The following WDR12 variants were observed in gnomAD, a reference collection of about 807,000 sequenced individuals.
The protein encoded by WDR12 is WD repeat domain 12.
In WDR12, 42 loss-of-function variants were observed where a neutral mutation model predicts 64.3. The ratio of observed to expected loss-of-function variants is 0.65; its 90% confidence interval spans 0.51 to 0.84. The LOEUF is 0.84. WDR12 is among the 40% of genes least tolerant of loss of function. WDR12 has a pLI of 0.00. For missense variants in WDR12, 469 were observed against 494.6 expected, an observed-to-expected ratio of 0.95 and a Z score of 0.49; for synonymous variants, 158 against 173.3, an observed-to-expected ratio of 0.91 and a Z score of 0.70.
intron 7 of WDR12, 118 bp downstream of exon 7, chr2:202,894,463 C>T: frequency 6.3e-6 from 5 of 790,844 alleles, no homozygotes; most frequent in Non-Finnish European, 9.7e-6. Flanking sequence ...CTCAAGTGAT[C>T]CTTCTACCCT....
intron 8 of WDR12, among the ~76,000 whole-genome samples, chr2:202,887,573 A>G (rs1688069763): frequency 6.6e-6 from 1 of 152,208 alleles, no homozygotes; most frequent in Admixed American, 6.5e-5. Flanking sequence ...CATAGAGGTA[A>G]TCAGAAGGCT....
Position 202,907,895 on chromosome 2 carries a change from TG to T in WDR12, c.105del (p.Asn35LysfsTer7). On this transcript the variant is annotated frameshift_variant, in exon 2 of 13. Transcript: ENST00000261015. LOFTEE classifies it high-confidence loss of function. The part of the protein sequence containing the change: ...PAASEIADLS[N>X]IINKLLKDKN... ...TTGTCCTTTAGTAGTTTATTGATGA[TG>T]TTACTAAGGTCGGCAATTTCAGAGG... is the stretch of plus-strand genomic sequence containing the variant. 1 of 1,614,050 alleles carries T rather than the reference TG, an allele frequency of 6.2e-7. No homozygotes were observed. Among genetic ancestry groups the T allele is most frequent in the Non-Finnish European group, 8.5e-7 (1 of 1,179,968 alleles).
chr2:202,903,060 C>T (rs989481759), intron 2 of WDR12, among the ~76,000 whole-genome samples: 4 of 152,062 alleles, frequency 2.6e-5, no homozygotes, highest in African/African-American at 9.7e-5. Context: ...GCCTGGGCGA[C>T]AGAGCAAGAC....
rs1369793016 is a variant in WDR12, at chr2:202,877,014, CCTTT to C, written c.*3842_*3845del. The C allele has an allele frequency of 6.6e-6, 1 of 151,806 alleles. No homozygotes were observed. Among genetic ancestry groups the C allele is most frequent in the African/African-American group, 2.4e-5 (1 of 41,330 alleles). The allele number at this position is 151,806 out of a possible 1,614,324, so 9.4% of individuals were successfully genotyped here. On this transcript the variant is annotated 3_prime_UTR_variant, in exon 13 of 13. Coordinates refer to ENST00000261015, the MANE Select transcript of WDR12 (RefSeq NM_018256.4). The stretch of plus-strand genomic sequence containing the variant: ...ATTTGTTATATATAGTAAACTGTTA[CCTTT>C]TTTTCAAAACTACGATACATCAAAA...
At chr2:202,896,037 G>C (rs753092709) in intron 6 of WDR12, 28 bp downstream of exon 6, 21 of 1,597,094 alleles carry the variant, frequency 1.3e-5, no homozygotes, top group Non-Finnish European at 1.8e-5. Flanking sequence ...AAATTTAACA[G>C]AGTACTAATA....
intron 1 of WDR12, among the ~76,000 whole-genome samples, chr2:202,909,763 A>G (rs896093372): frequency 1.3e-5 from 2 of 150,960 alleles, no homozygotes; most frequent in African/African-American, 4.8e-5. Context: ...ATTAAGCAAA[A>G]AGAAAAAGCA....
Position 202,883,658 on chromosome 2 carries a change from G to A in WDR12, c.1072C>T (p.Leu358=). 1 of 1,614,072 alleles carries A rather than the reference G, an allele frequency of 6.2e-7. No homozygotes were observed. The highest frequency in any genetic ancestry group is 2.2e-5 in the East Asian group (1 of 44,882). ...ATGTTATCTAAAGATCCTGAAATCA[G>A]CTGCTGTTCATGGGTAGGAGACCAT... is the stretch of plus-strand genomic sequence containing the variant. ...VKWSPTHEQQ[L]ISGSLDNIVK... Residue 358 remains leucine, a synonymous_variant, in exon 11 of 13, where the codon CTG becomes TTG. Coordinates refer to ENST00000261015, the MANE Select transcript of WDR12 (RefSeq NM_018256.4).
Position 202,900,387 on chromosome 2 carries a change from T to C in WDR12, c.231+638A>G, listed in dbSNP as rs1413464185. Among the ~76,000 whole-genome samples, 3 of 151,154 alleles carry C rather than the reference T, an allele frequency of 2.0e-5. No homozygotes were observed. The East Asian group carries it at 5.8e-4, about 29-fold the overall frequency. Reference sequence around the variant, plus strand: ...CATTAAAATTAAGAAAAAAAGCACATTGTTTAATGGGTACAGGTCTTCTGT... The same window carrying C: ...CATTAAAATTAAGAAAAAAAGCACACTGTTTAATGGGTACAGGTCTTCTGT... On this transcript the variant is annotated intron_variant, in intron 3 of 12. Transcript: ENST00000261015.
At chr2:202,885,187 G>A (rs772797300) in intron 8 of WDR12, among the ~76,000 whole-genome samples, 1 of 152,208 alleles carries the variant, frequency 6.6e-6, no homozygotes, top group Non-Finnish European at 1.5e-5. Context: ...GGCATATGCA[G>A]TTAACACTCC....
rs1687899886 is a variant in WDR12 at position 202,878,604 on chromosome 2, AACAAAACC to A, written c.*2248_*2255del. ...GAGCCTAGGATCCTAAAGAATGTGG[AACAAAACC>A]TACATCAGCCCTGGACTGCCTCTGG... On this transcript the variant is annotated 3_prime_UTR_variant, in exon 13 of 13. Coordinates refer to ENST00000261015, the MANE Select transcript of WDR12 (RefSeq NM_018256.4). 6.6e-6 allele frequency: 1 copy of A among 152,214 alleles called. No homozygotes were observed. Among genetic ancestry groups the A allele is most frequent in the Admixed American group, 6.5e-5 (1 of 15,276 alleles). The allele number at this position is 152,214 out of a possible 1,614,324, so 9.4% of individuals were successfully genotyped here.
At chr2:202,898,141 C>T (rs1360404535) in intron 4 of WDR12, among the ~76,000 whole-genome samples, 1 of 151,450 alleles carries the variant, frequency 6.6e-6, no homozygotes, top group East Asian at 2.0e-4. Flanking sequence ...TAAGGAATAC[C>T]CAACCTGTAG....
chr2:202,905,459 G>T (rs190660781), intron 2 of WDR12, among the ~76,000 whole-genome samples: 8 of 152,280 alleles, frequency 5.3e-5, no homozygotes, highest in Middle Eastern at 3.4e-3. Context: ...GCTTTTATCT[G>T]AAAGTCACGC....
chr2:202,896,023 A>ATT, intron 6 of WDR12, 42 bp downstream of exon 6: 1 of 1,586,650 alleles, frequency 6.3e-7, no homozygotes, highest in East Asian at 2.2e-5. Context: ...ACAAGCTCAA[A>ATT]TTCAAATTTA....
Position 202,880,845 on chromosome 2 carries a change from A to T in WDR12, c.*15T>A. The T allele has an allele frequency of 3.1e-6, 5 of 1,600,874 alleles. No individual in the cohort carries two copies. Among genetic ancestry groups the T allele is most frequent in the Non-Finnish European group, 4.3e-6 (5 of 1,172,810 alleles). ...TTTACAGAAATAATCTCTATAGTCAAATTATTGTTCACTTTCATGCCCCAA... is the reference window on the plus strand; with the variant it reads ...TTTACAGAAATAATCTCTATAGTCATATTATTGTTCACTTTCATGCCCCAA... On this transcript the variant is annotated 3_prime_UTR_variant, in exon 13 of 13. Transcript: ENST00000261015.
intron 8 of WDR12, among the ~76,000 whole-genome samples, chr2:202,887,757 G>C (rs998873925): frequency 6.6e-6 from 1 of 151,006 alleles, no homozygotes; most frequent in Non-Finnish European, 1.5e-5. Context: ...GCGCGGTGGC[G>C]GGCGCCTGTA....
At position 202,911,452 on chromosome 2, in the gene WDR12, A is replaced by T. The variant is rs1688646146; in HGVS notation, c.25T>A (p.Tyr9Asn). 6.2e-7 allele frequency: 1 copy of T among 1,614,092 alleles called. No homozygotes were observed. Among genetic ancestry groups the T allele is most frequent in the Non-Finnish European group, 8.5e-7 (1 of 1,180,044 alleles). Residue 9 changes from tyrosine to asparagine, a missense_variant, in exon 1 of 13, where the codon TAC becomes AAC. Transcript: ENST00000261015. ...CTTACTTACTTCTTGTTATCAGTGT[A>T]GAAGCGTGTTTGGAGCTGAGCCATG... MAQLQTRF[Y>N]TDNKKYAVDD...
At chr2:202,895,369 C>G (rs1004544037) in intron 6 of WDR12, among the ~76,000 whole-genome samples, 2 of 152,116 alleles carry the variant, frequency 1.3e-5, no homozygotes, top group African/African-American at 4.8e-5. Flanking sequence ...TTAGCACTAA[C>G]TTTAGTGTAT....
At chr2:202,900,501 G>T (rs890436458) in intron 3 of WDR12, among the ~76,000 whole-genome samples, 2 of 151,960 alleles carry the variant, frequency 1.3e-5, no homozygotes, top group Non-Finnish European at 2.9e-5. Flanking sequence ...ACTTAAAAAT[G>T]GTTAAAATTC....
At chr2:202,904,364 A>G (rs1688416135) in intron 2 of WDR12, among the ~76,000 whole-genome samples, 1 of 152,120 alleles carries the variant, frequency 6.6e-6, no homozygotes, top group Non-Finnish European at 1.5e-5. Context: ...ATGGAACCAC[A>G]AAAGAACCAG....
Sources: allele counts gnomAD v4.1 joint callset (sites outside exome capture counted in the v4.1 genomes callset), GRCh38; gene constraint gnomAD v4.1.1; transcripts MANE v1.5; gene names NCBI Gene and HGNC (gene_info 2026-07-23, HGNC 2026-07-21).